The following PDCD6 variants were observed in gnomAD, a reference collection of about 807,000 sequenced individuals.
PDCD6 encodes the protein programmed cell death protein 6.
Under a neutral mutation model 28.3 loss-of-function variants are expected in PDCD6, and 12 were observed. The observed-to-expected ratio is 0.42, with a 90% CI of 0.27 to 0.69. PDCD6 has a LOEUF of 0.69. PDCD6 is among the 30% of genes least tolerant of loss of function. The probability of loss-of-function intolerance (pLI) is 0.22; values close to 1 mark genes in which losing one functional copy is unlikely to be tolerated. For missense variants in PDCD6, 226 were observed against 269.9 expected (o/e 0.84, Z 1.14); for synonymous variants, 92 against 108.0 (o/e 0.85, Z 0.92).
chr5:313,451 G>A (rs1229612737), intron 5 of PDCD6, among the ~76,000 whole-genome samples: 1 of 151,748 alleles, frequency 6.6e-6, no homozygotes, highest in Non-Finnish European at 1.5e-5. Flanking sequence ...GGTGGCTGTG[G>A]CATTCCTGCA....
chr5:275,187 G>T (rs985267660), intron 2 of PDCD6, among the ~76,000 whole-genome samples: 11 of 152,294 alleles, frequency 7.2e-5, no homozygotes, highest in African/African-American at 2.2e-4. Context: ...TTGGGAGGCC[G>T]AGGCAGGGGG....
intron 2 of PDCD6, among the ~76,000 whole-genome samples, chr5:278,135 G>A (rs1253043357): frequency 2.6e-5 from 4 of 152,150 alleles, no homozygotes; most frequent in Non-Finnish European, 4.4e-5. Flanking sequence ...GGTTGGGTGT[G>A]TTCAGAGGCA....
At chr5:295,213 AT>A (rs74991269) in intron 2 of PDCD6, among the ~76,000 whole-genome samples, 19,866 of 141,296 alleles carry the variant, frequency 0.14, 1,360 homozygotes, top group African/African-American at 0.18. Flanking sequence ...AACTCTTAAA[AT>A]AAAAAAACCA....
chr5:280,505 GC>G (rs1174512362), intron 2 of PDCD6, among the ~76,000 whole-genome samples: 2 of 150,630 alleles, frequency 1.3e-5, no homozygotes, highest in African/African-American at 4.9e-5. Flanking sequence ...GCAGGGCTGT[GC>G]TGGGCACTGT....
intron 2 of PDCD6, among the ~76,000 whole-genome samples, chr5:298,883 T>C (rs1579522918): frequency 2.9e-5 from 1 of 34,954 alleles, no homozygotes; most frequent in Non-Finnish European, 5.2e-5. Flanking sequence ...CACTCAGCTG[T>C]TCTCACCCAG....
In PDCD6 at chr5:302,107, T is replaced by TGTGC. The variant is rs113802406; in HGVS notation, c.164-2069_164-2068insTGCG. 1.6e-3 allele frequency among the ~76,000 whole-genome samples: 183 copies of TGTGC among 111,676 alleles called. 4 individuals carry two copies. The highest frequency in any genetic ancestry group is 3.7e-3 in the African/African-American group (93 of 25,032). The allele number at this position is 111,676 out of a possible 152,430, so 73.3% of individuals were successfully genotyped here. A position where few individuals can be genotyped will look rare whatever the true frequency, so the allele number is the denominator to read the frequency against. On this transcript the variant is annotated intron_variant, in intron 2 of 5. Coordinates refer to ENST00000264933, the MANE Select transcript of PDCD6 (RefSeq NM_013232.4). ...GTGTGTGTGTGTGTGTGTGTGTGTG[T>TGTGC]GCCTTGGGTTCAGGTGCACCTGCCT...
intron 2 of PDCD6, among the ~76,000 whole-genome samples, chr5:288,311 T>TATATATAC (rs34574011): frequency 0.035 from 5,118 of 144,872 alleles, 137 homozygotes; most frequent in Middle Eastern, 0.054. Flanking sequence ...TATATATATA[T>TATATATAC]ACACATATGT....
intron 2 of PDCD6, among the ~76,000 whole-genome samples, chr5:300,992 C>G (rs1740014611): frequency 1.3e-5 from 2 of 152,250 alleles, no homozygotes; most frequent in Non-Finnish European, 2.9e-5. Flanking sequence ...TGTGCCTGCG[C>G]TGCGGCGTTA....
At chr5:272,307 C>T (rs1737875676) in intron 1 of PDCD6, among the ~76,000 whole-genome samples, 2 of 145,394 alleles carry the variant, frequency 1.4e-5, no homozygotes, top group African/African-American at 5.3e-5. Context: ...CTGGCGTCTG[C>T]TCGGGCCAGG....
At chr5:314,350 C>A in intron 5 of PDCD6, 67 bp from the exon 6 acceptor site, 2 of 1,175,014 alleles carry the variant, frequency 1.7e-6, no homozygotes, top group African/African-American at 1.5e-5. Context: ...TCCCTACATG[C>A]CTTTGTCCCA....
chr5:286,202 T>G (rs548507283), intron 2 of PDCD6, among the ~76,000 whole-genome samples: 1 of 150,572 alleles, frequency 6.6e-6, no homozygotes, highest in South Asian at 2.1e-4. Flanking sequence ...GAGCTGATGT[T>G]CCGGTTTGAG....
chr5:297,277 C>T (rs1036200784), intron 2 of PDCD6, among the ~76,000 whole-genome samples: 5 of 152,142 alleles, frequency 3.3e-5, no homozygotes, highest in African/African-American at 7.2e-5. Flanking sequence ...TGGTTAACCA[C>T]GGAATAAACA....
intron 2 of PDCD6, among the ~76,000 whole-genome samples, chr5:285,277 G>A (rs199858166): frequency 6.6e-6 from 1 of 151,334 alleles, no homozygotes; most frequent in East Asian, 2.0e-4. Flanking sequence ...TGCAGCTGGA[G>A]ACCCGGGGGG....
intron 4 of PDCD6, chr5:309,123 G>GTTGAGTGGGGGCAGCTGGT (rs1444859731): frequency 6.6e-6 from 1 of 152,362 alleles, no homozygotes; most frequent in Non-Finnish European, 1.5e-5. Flanking sequence ...GCCTCAGCCT[G>GTTGAGTGGGGGCAGCTGGT]TTGAGTGGGG....
At chr5:302,341 G>T (rs1336949306) in intron 2 of PDCD6, among the ~76,000 whole-genome samples, 2 of 144,744 alleles carry the variant, frequency 1.4e-5, no homozygotes, top group South Asian at 2.2e-4. Flanking sequence ...GCCTTTGTGG[G>T]AAGGGCACAG....
chr5:306,767 C>T lies in PDCD6; in HGVS notation c.367+7C>T. On this transcript the variant is annotated splice_region_variant and intron_variant, in intron 4 of 5. Coordinates refer to ENST00000264933, the MANE Select transcript of PDCD6 (RefSeq NM_013232.4). ...CAGGCCCTCTCAGGTTTCGGTAACT[C>T]ACTCACTCTGGCTTGTGTAGCGTGT... 6.2e-7 allele frequency: 1 copy of T among 1,613,016 alleles called. No homozygotes were observed. Among genetic ancestry groups the T allele is most frequent in the Non-Finnish European group, 8.5e-7 (1 of 1,179,342 alleles).
intron 2 of PDCD6, among the ~76,000 whole-genome samples, chr5:302,124 CACCT>C (rs2126752783): frequency 3.9e-5 from 4 of 103,676 alleles, no homozygotes; most frequent in Non-Finnish European, 6.3e-5. Flanking sequence ...GGTTCAGGTG[CACCT>C]GCCTTTGTGG....
chr5:299,696 CACG>C (rs1227026070), intron 2 of PDCD6, among the ~76,000 whole-genome samples: 4 of 152,036 alleles, frequency 2.6e-5, no homozygotes, highest in African/African-American at 9.7e-5. Flanking sequence ...ACTACAGGCA[CACG>C]CCGCCATGCC....
intron 2 of PDCD6, chr5:289,888 C>T (rs1739214087): frequency 2.0e-6 from 3 of 1,512,180 alleles, no homozygotes; most frequent in Admixed American, 1.7e-5. Flanking sequence ...TCGATTTAAA[C>T]TATTGGAATT....
Sources: allele counts gnomAD v4.1 joint callset (sites outside exome capture counted in the v4.1 genomes callset), GRCh38; gene constraint gnomAD v4.1.1; transcripts MANE v1.5; gene names NCBI Gene and HGNC (gene_info 2026-07-23, HGNC 2026-07-21).